OPCML: variants seen among roughly 807,000 people sequenced by gnomAD.
OPCML encodes the protein opioid binding protein/cell adhesion molecule like, also known as opioid-binding protein/cell adhesion molecule.
A neutral mutation model predicts 37.8 loss-of-function variants in OPCML; 13 were observed. The observed-to-expected ratio is 0.34, with a 90% CI of 0.22 to 0.55. The LOEUF (loss-of-function observed/expected upper bound fraction) is 0.55, where lower values mean the gene tolerates loss of function less well. Ranked by LOEUF, OPCML falls within the 20% of genes least tolerant of loss-of-function variation. The probability of loss-of-function intolerance (pLI) is 0.91; values close to 1 mark genes in which losing one functional copy is unlikely to be tolerated. For synonymous variants in OPCML, 176 were observed against 168.8 expected (o/e 1.04, Z -0.33); for missense variants, 341 against 435.6 (o/e 0.78, Z 1.93).
chr11:132,660,097 T>C (rs149729786), intron 2 of OPCML, among the ~76,000 whole-genome samples: 2 of 152,250 alleles, frequency 1.3e-5, no homozygotes, highest in East Asian at 1.9e-4. Context: ...TAATTAAACA[T>C]GAAAAAGCAA....
At chr11:133,354,385 T>C (rs981157342) in intron 1 of OPCML, among the ~76,000 whole-genome samples, 1 of 150,884 alleles carries the variant, frequency 6.6e-6, no homozygotes, top group Non-Finnish European at 1.5e-5. Context: ...AAAATACGAA[T>C]CAATGCATAC....
rs752728871 is a variant in OPCML at position 132,504,865 on chromosome 11, G to T, written c.505+24196C>A. Among the ~76,000 whole-genome samples the T allele has an allele frequency of 5.3e-4, 81 of 151,982 alleles. 1 individual carries two copies. Among genetic ancestry groups the T allele is most frequent in the African/African-American group, 1.9e-3 (80 of 41,366 alleles). On this transcript the variant is annotated intron_variant, in intron 4 of 7. Coordinates refer to ENST00000524381, the MANE Select transcript of OPCML (RefSeq NM_001012393.5). ...CTCAAGGGTGTGAATATCAGGAGGC[G>T]GGGTCACTGAGGTCCCCCTGGAGTC...
chr11:133,219,472 A>G (rs1005256904), intron 1 of OPCML, among the ~76,000 whole-genome samples: 7 of 152,240 alleles, frequency 4.6e-5, no homozygotes, highest in African/African-American at 1.7e-4. Flanking sequence ...AAAATTAAAT[A>G]ACCACCTGTG....
chr11:133,390,461 TCAACAAAAA>T (rs1200571511), intron 1 of OPCML, among the ~76,000 whole-genome samples: 2 of 151,690 alleles, frequency 1.3e-5, no homozygotes, highest in African/African-American at 2.4e-5. Flanking sequence ...AGACTCCATC[TCAACAAAAA>T]CAACAACAAC....
chr11:133,132,876 G>C (rs1949627976), intron 1 of OPCML, among the ~76,000 whole-genome samples: 1 of 151,536 alleles, frequency 6.6e-6, no homozygotes, highest in East Asian at 1.9e-4. Context: ...AAAAAAACTT[G>C]GGGGACAAAG....
At chr11:132,988,587 G>A (rs1221269302) in intron 1 of OPCML, among the ~76,000 whole-genome samples, 1 of 152,160 alleles carries the variant, frequency 6.6e-6, no homozygotes, top group African/African-American at 2.4e-5. Context: ...TTTTGCTTTA[G>A]GTCTCCCTCG....
chr11:133,514,135 T>A (rs1354636645), intron 1 of OPCML, among the ~76,000 whole-genome samples: 1 of 152,202 alleles, frequency 6.6e-6, no homozygotes, highest in Non-Finnish European at 1.5e-5. Flanking sequence ...TCACATCGCC[T>A]GGCATCTGCA....
intron 1 of OPCML, among the ~76,000 whole-genome samples, chr11:133,363,818 C>G (rs1314385993): frequency 6.6e-6 from 1 of 152,156 alleles, no homozygotes; most frequent in Non-Finnish European, 1.5e-5. Context: ...TATTTCTTTG[C>G]AGGGAGTGAA....
Position 132,760,321 on chromosome 11 carries a change from G to A in OPCML, c.147-103002C>T, listed in dbSNP as rs186001973. Among the ~76,000 whole-genome samples the A allele has an allele frequency of 2.2e-3, 329 of 152,274 alleles. 7 individuals are homozygous for A. The highest frequency in any genetic ancestry group is 0.017 in the East Asian group (88 of 5,174). On this transcript the variant is annotated intron_variant, in intron 2 of 7. Coordinates refer to ENST00000524381, the MANE Select transcript of OPCML (RefSeq NM_001012393.5). Reference sequence around the variant, plus strand: ...TATAGATGTCTATGAGGTCCACTTAGTCCAGAGCTGAGTTCAAGTCCTGAA... The same window carrying A: ...TATAGATGTCTATGAGGTCCACTTAATCCAGAGCTGAGTTCAAGTCCTGAA...
chr11:133,038,640 G>C (rs1223496765), intron 1 of OPCML, among the ~76,000 whole-genome samples: 1 of 152,138 alleles, frequency 6.6e-6, no homozygotes. Flanking sequence ...TGATAAAACT[G>C]CTGCACAGAG....
At chr11:132,956,917 A>G (rs1945987327) in intron 1 of OPCML, among the ~76,000 whole-genome samples, 1 of 152,160 alleles carries the variant, frequency 6.6e-6, no homozygotes, top group Non-Finnish European at 1.5e-5. Context: ...GGTTGCTTGA[A>G]GCCAAGAGTT....
At chr11:133,406,958 C>T (rs1297985439) in intron 1 of OPCML, among the ~76,000 whole-genome samples, 1 of 152,180 alleles carries the variant, frequency 6.6e-6, no homozygotes, top group African/African-American at 2.4e-5. Flanking sequence ...TGGAAGACAA[C>T]CTGGAAAGTC....
intron 1 of OPCML, among the ~76,000 whole-genome samples, chr11:133,083,695 G>A (rs986690653): frequency 1.3e-5 from 2 of 152,310 alleles, no homozygotes; most frequent in South Asian, 2.1e-4. Flanking sequence ...TTTGGAACAC[G>A]GCCTCGCCAC....
intron 2 of OPCML, among the ~76,000 whole-genome samples, chr11:132,669,147 A>G (rs1330419134): frequency 6.6e-6 from 1 of 152,082 alleles, no homozygotes; most frequent in Non-Finnish European, 1.5e-5. Flanking sequence ...ACAGGCCCCA[A>G]TAGCTTAGGC....
At chr11:132,754,897 A>C (rs1053072129) in intron 2 of OPCML, among the ~76,000 whole-genome samples, 1 of 152,200 alleles carries the variant, frequency 6.6e-6, no homozygotes, top group Non-Finnish European at 1.5e-5. Flanking sequence ...AGATTCATCC[A>C]CAGTGTTCTA....
intron 2 of OPCML, among the ~76,000 whole-genome samples, chr11:132,895,383 T>C (rs1418922179): frequency 6.6e-6 from 1 of 152,236 alleles, no homozygotes; most frequent in Non-Finnish European, 1.5e-5. Flanking sequence ...GCCCCAGCTC[T>C]ACATAAATAG....
intron 1 of OPCML, among the ~76,000 whole-genome samples, chr11:133,242,532 C>T (rs1940769620): frequency 6.6e-6 from 1 of 152,158 alleles, no homozygotes; most frequent in African/African-American, 2.4e-5. Context: ...GCTATGTCCT[C>T]ATGGGGTCTT....
At chr11:132,737,791 G>T (rs1945309488) in intron 2 of OPCML, among the ~76,000 whole-genome samples, 1 of 152,148 alleles carries the variant, frequency 6.6e-6, no homozygotes, top group African/African-American at 2.4e-5. Context: ...TTCTGGTATA[G>T]TCTTAGAATA....
chr11:132,923,110 T>G (rs1244590799), intron 2 of OPCML, among the ~76,000 whole-genome samples: 3 of 151,030 alleles, frequency 2.0e-5, no homozygotes. Flanking sequence ...ATAATAATAA[T>G]AATATGGCCG....
Sources: allele counts gnomAD v4.1 joint callset (sites outside exome capture counted in the v4.1 genomes callset), GRCh38; gene constraint gnomAD v4.1.1; transcripts MANE v1.5; gene names NCBI Gene and HGNC (gene_info 2026-07-23, HGNC 2026-07-21).